PEAK1: variants seen among roughly 807,000 people sequenced by gnomAD.
The protein encoded by PEAK1 is inactive tyrosine-protein kinase PEAK1.
PEAK1 carries 54 observed loss-of-function variants against 124.7 expected under a neutral mutation model. That is an observed-to-expected ratio of 0.43 (90% CI 0.35 to 0.54). The LOEUF is 0.54. PEAK1 is among the 20% of genes least tolerant of loss of function. The pLI, the probability that PEAK1 is intolerant of heterozygous loss-of-function variation, is 0.01. For missense variants in PEAK1, 2,046 were observed against 2,134.5 expected (o/e 0.96, Z 0.82); for synonymous variants, 719 against 760.0 (o/e 0.95, Z 0.89).
chr15:77,199,925 T>C (rs1471994557), intron 6 of PEAK1, among the ~76,000 whole-genome samples: 5 of 152,236 alleles, frequency 3.3e-5, no homozygotes, highest in Non-Finnish European at 5.9e-5. Context: ...TTCTCTATGA[T>C]ACAGGCACTA....
chr15:77,267,843 A>G (rs1454339461), intron 5 of PEAK1, among the ~76,000 whole-genome samples: 1 of 152,170 alleles, frequency 6.6e-6, no homozygotes, highest in Non-Finnish European at 1.5e-5. Flanking sequence ...CTCACCAGCA[A>G]TGGATCCGAA....
intron 1 of PEAK1, among the ~76,000 whole-genome samples, chr15:77,408,490 T>C (rs1001794567): frequency 2.0e-5 from 3 of 151,704 alleles, no homozygotes; most frequent in African/African-American, 7.3e-5. Context: ...AAAGAACTTA[T>C]CTGTGTAACC....
chr15:77,387,725 T>C (rs908941497), intron 1 of PEAK1, among the ~76,000 whole-genome samples: 1 of 152,176 alleles, frequency 6.6e-6, no homozygotes, highest in Non-Finnish European at 1.5e-5. Flanking sequence ...AAGCAATAAT[T>C]ATCTTTCCCT....
At chr15:77,162,052 T>A (rs115645553) in intron 7 of PEAK1, among the ~76,000 whole-genome samples, 3,303 of 150,408 alleles carry the variant, frequency 0.022, 102 homozygotes, top group African/African-American at 0.07. Context: ...CAATATACTA[T>A]GACTAAAAAA....
chr15:77,277,812 G>A (rs970717445), intron 5 of PEAK1, among the ~76,000 whole-genome samples: 3 of 152,148 alleles, frequency 2.0e-5, no homozygotes, highest in African/African-American at 7.2e-5. Context: ...TTAAAACCAT[G>A]GAGAGAGTAA....
At position 77,179,558 on chromosome 15, in the gene PEAK1, G is replaced by C; in HGVS notation, c.2369C>G (p.Ala790Gly). Residue 790 changes from alanine (A) to glycine (G), a missense_variant, in exon 7 of 10, where the codon GCT becomes GGT. By Grantham distance (60) the Ala-to-Gly change is moderately conservative. Transcript: ENST00000682557. ...GGCATAAAGCTCTTCCACACTGCAA[G>C]CTTTAGGGCCAGATTGAGGTGTTTC... ...PPETPQSGPK[A>G]CSVEELYAIP... 6.2e-7 allele frequency: 1 copy of C among 1,614,128 alleles called. No individual in the cohort carries two copies. Among genetic ancestry groups the C allele is most frequent in the Non-Finnish European group, 8.5e-7 (1 of 1,180,000 alleles).
intron 2 of PEAK1, among the ~76,000 whole-genome samples, chr15:77,291,519 T>C (rs1393008452): frequency 6.6e-6 from 1 of 152,204 alleles, no homozygotes; most frequent in Non-Finnish European, 1.5e-5. Context: ...AACCACATTA[T>C]GCTCAAGTGT....
Position 77,133,052 on chromosome 15 carries a change from A to G in PEAK1, c.4030T>C (p.Tyr1344His). The G allele has an allele frequency of 1.2e-6, 2 of 1,614,178 alleles. No individual in the cohort carries two copies. The highest frequency in any genetic ancestry group is 1.7e-6 in the Non-Finnish European group (2 of 1,179,994). ...PCCEAGDAVY[Y>H]TASYAKDPLN... ...GGATCTTTTGCATATGAAGCAGTAT[A>G]GTAAACCGCATCACCTGCCTCACAA... Residue 1344 changes from tyrosine (Y) to histidine (H), a missense_variant, in exon 9 of 10, where the codon TAT becomes CAT. By Grantham distance (83) the Tyr-to-His change is moderately conservative. Coordinates refer to ENST00000682557, the MANE Select transcript of PEAK1 (RefSeq NM_001385026.1). The surrounding 1 kb of genome is among the most constrained non-coding windows in gnomAD (Gnocchi z 4.2).
rs528641817 is a variant in PEAK1, at chr15:77,329,046, C to T, written c.-603+36117G>A. 7.9e-5 allele frequency among the ~76,000 whole-genome samples: 12 copies of T among 152,264 alleles called. No individual in the cohort carries two copies. In the East Asian group the frequency reaches 2.3e-3, roughly 29 times the overall value. ...AATCTACAGTCTAAGATGATATATA[C>T]TTTCTCTATTTTCATGAAAATGAAA... On this transcript the variant is annotated intron_variant, in intron 2 of 9. Coordinates refer to ENST00000682557, the MANE Select transcript of PEAK1 (RefSeq NM_001385026.1).
At chr15:77,239,764 C>T (rs936978714) in intron 6 of PEAK1, 23 of 803,132 alleles carry the variant, frequency 2.9e-5, no homozygotes, top group Non-Finnish European at 3.3e-5. Context: ...CAGAGTATTC[C>T]TGTCACATAT....
Position 77,419,331 on chromosome 15 carries a change from G to C in PEAK1, c.-666+675C>G, listed in dbSNP as rs575046956. ...GGGAGGGGGCAGACGCGGTTCAGAC[G>C]GCAAGTCCCCATCGAAGGAGGAAAG... On this transcript the variant is annotated intron_variant, in intron 1 of 9. Transcript: ENST00000682557. The C allele has an allele frequency of 8.3e-5, 82 of 985,200 alleles. No homozygotes were observed. The South Asian group carries it at 2.0e-3, about 24-fold the overall frequency. The allele number at this position is 985,200 out of a possible 1,614,324, so 61.0% of individuals were successfully genotyped here.
At chr15:77,199,296 C>T (rs1210908942) in intron 6 of PEAK1, among the ~76,000 whole-genome samples, 4 of 152,152 alleles carry the variant, frequency 2.6e-5, no homozygotes, top group South Asian at 2.1e-4. Flanking sequence ...ATGTCCCTGG[C>T]CACCCAGAAT....
At chr15:77,131,178 T>C (rs1596294723) in intron 9 of PEAK1, among the ~76,000 whole-genome samples, 1 of 152,200 alleles carries the variant, frequency 6.6e-6, no homozygotes, top group East Asian at 1.9e-4. Flanking sequence ...AATACAGCTA[T>C]GGAGTCAGAA....
chr15:77,241,018 A>G (rs140959386), intron 6 of PEAK1, among the ~76,000 whole-genome samples: 2 of 152,288 alleles, frequency 1.3e-5, no homozygotes, highest in African/African-American at 4.8e-5. Context: ...AGAAAAAAAA[A>G]TTTAAAAGAG....
chr15:77,338,056 GCTT>G (rs1567277184), intron 2 of PEAK1: 4 of 981,556 alleles, frequency 4.1e-6, no homozygotes. Flanking sequence ...AAAAATTTGA[GCTT>G]TTTTAGCTAT....
chr15:77,382,413 T>C (rs1462372707), intron 1 of PEAK1, among the ~76,000 whole-genome samples: 1 of 152,246 alleles, frequency 6.6e-6, no homozygotes, highest in Non-Finnish European at 1.5e-5. Context: ...GGCTCATTCT[T>C]TCACCTTGTC....
chr15:77,182,749 C>CAAAAAAAAAAAAAAAAAAAAAAA (rs71143395), intron 6 of PEAK1, among the ~76,000 whole-genome samples: 1 of 65,142 alleles, frequency 1.5e-5, no homozygotes, highest in African/African-American at 6.2e-5. Flanking sequence ...GACCTTGTCT[C>CAAAAAAAAAAAAAAAAAAAAAAA]AAAAAAAAAA....
chr15:77,386,968 A>G (rs2141874688), intron 1 of PEAK1, among the ~76,000 whole-genome samples: 1 of 151,878 alleles, frequency 6.6e-6, no homozygotes, highest in Middle Eastern at 3.4e-3. Context: ...TTGTGTATCC[A>G]TAGTAAAAAA....
chr15:77,233,351 A>C (rs1291888889), intron 6 of PEAK1, among the ~76,000 whole-genome samples: 1 of 152,178 alleles, frequency 6.6e-6, no homozygotes, highest in Non-Finnish European at 1.5e-5. Context: ...ACCACTGGCT[A>C]ATTCTCTGTT....
Sources: gnomAD v4.1 joint callset for allele counts (sites outside exome capture counted in the v4.1 genomes callset) on GRCh38, gnomAD v4.1.1 for gene constraint, Gnocchi (gnomAD v3.1) non-coding constraint, MANE v1.5 for transcripts, NCBI Gene and HGNC (gene_info 2026-07-23, HGNC 2026-07-21) for gene names.